Variants in CACNB4 observed in about 807,000 individuals in gnomAD.
CACNB4 encodes voltage-dependent L-type calcium channel subunit beta-4.
A neutral mutation model predicts 71.2 loss-of-function variants in CACNB4; 32 were observed. The ratio of observed to expected loss-of-function variants is 0.45; its 90% CI spans 0.34 to 0.60. The LOEUF (loss-of-function observed/expected upper bound fraction) is 0.60. Among genes scored for constraint, CACNB4 ranks in the 20% least tolerant of loss-of-function variants. The pLI is 0.01. For synonymous variants in CACNB4, 231 were observed against 236.9 expected (o/e 0.97, Z 0.23); for missense variants, 464 against 647.9 (o/e 0.72, Z 3.08).
chr2:151,937,078 T>G (rs1328768062), intron 2 of CACNB4, among the ~76,000 whole-genome samples: 1 of 152,214 alleles, frequency 6.6e-6, no homozygotes, highest in African/African-American at 2.4e-5. Context: ...AAGGCACAAA[T>G]TACATTTCAA....
At chr2:152,015,153 G>A (rs1188467854) in intron 2 of CACNB4, among the ~76,000 whole-genome samples, 1 of 151,024 alleles carries the variant, frequency 6.6e-6, no homozygotes, top group Non-Finnish European at 1.5e-5. Flanking sequence ...TTTTTTTTGA[G>A]ATGGAGTCTC....
At chr2:151,906,180 T>C (rs1201842723) in intron 2 of CACNB4, among the ~76,000 whole-genome samples, 1 of 152,242 alleles carries the variant, frequency 6.6e-6, no homozygotes, top group Admixed American at 6.5e-5. Flanking sequence ...GTTGAATTTT[T>C]ATTCTTAGCT....
chr2:152,058,358 G>A (rs1685833672), intron 2 of CACNB4, among the ~76,000 whole-genome samples: 3 of 152,188 alleles, frequency 2.0e-5, no homozygotes, highest in African/African-American at 7.2e-5. Context: ...ATAGTTTGGA[G>A]GGCTCCGAAG....
intron 2 of CACNB4, among the ~76,000 whole-genome samples, chr2:152,018,806 A>AACAC (rs10600477): frequency 0.03 from 4,459 of 146,618 alleles, 82 homozygotes; most frequent in African/African-American, 0.044. Flanking sequence ...CCTGTCTCAA[A>AACAC]ACACACACAC....
At chr2:152,063,187 T>C (rs1686114210) in intron 2 of CACNB4, among the ~76,000 whole-genome samples, 1 of 152,154 alleles carries the variant, frequency 6.6e-6, no homozygotes, top group Non-Finnish European at 1.5e-5. Context: ...GATTCTACAG[T>C]GTAAATTTAG....
chr2:152,058,434 C>T (rs1685837599), intron 2 of CACNB4, among the ~76,000 whole-genome samples: 1 of 152,118 alleles, frequency 6.6e-6, no homozygotes, highest in African/African-American at 2.4e-5. Flanking sequence ...TGACAAAATG[C>T]TGATAGTGAT....
At chr2:151,920,955 A>G (rs376188793) in intron 2 of CACNB4, among the ~76,000 whole-genome samples, 112 of 151,948 alleles carry the variant, frequency 7.4e-4, no homozygotes, top group African/African-American at 1.9e-3. Context: ...TGGCTAACAC[A>G]GTGAAACCCC....
intron 2 of CACNB4, among the ~76,000 whole-genome samples, chr2:152,050,923 C>T (rs886161598): frequency 2.6e-5 from 4 of 151,990 alleles, no homozygotes; most frequent in Admixed American, 6.5e-5. Flanking sequence ...TACAGGTGCA[C>T]GTCACCACAT....
intron 2 of CACNB4, among the ~76,000 whole-genome samples, chr2:152,034,858 A>G (rs575901342): frequency 1.3e-5 from 2 of 152,284 alleles, no homozygotes; most frequent in African/African-American, 4.8e-5. Flanking sequence ...ACTGGGATCA[A>G]CTGGTTTCAA....
At chr2:152,085,395 A>G (rs1366894626) in intron 2 of CACNB4, among the ~76,000 whole-genome samples, 14 of 152,160 alleles carry the variant, frequency 9.2e-5, no homozygotes, top group Admixed American at 8.5e-4. Flanking sequence ...GACTGCTGGG[A>G]ACATTTATCT....
rs773577703 is a variant in CACNB4, at chr2:151,860,692, C to T, written c.868+19G>A. 1 of 1,510,480 alleles carries T rather than the reference C, an allele frequency of 6.6e-7. No individual in the cohort carries two copies. Among genetic ancestry groups the T allele is most frequent in the Non-Finnish European group, 9.2e-7 (1 of 1,085,550 alleles). 93.6% of individuals were successfully genotyped at this position (1,510,480 alleles called of 1,614,324 possible). On this transcript the variant is annotated intron_variant, in intron 10 of 13. Coordinates refer to ENST00000539935, the MANE Select transcript of CACNB4 (RefSeq NM_000726.5). ...TCTGTAAGCACAGCTTGAAGAAGTA[C>T]CACATTTGAACATCTTACCTAAGCT...
chr2:151,873,187 C>T (rs1051708292), intron 5 of CACNB4: 1 of 152,128 alleles, frequency 6.6e-6, no homozygotes, highest in East Asian at 1.9e-4. Flanking sequence ...AGAAATAAGA[C>T]AGCGGCATTG....
intron 2 of CACNB4, among the ~76,000 whole-genome samples, chr2:152,039,414 T>TC: frequency 1.1e-5 from 1 of 88,580 alleles, no homozygotes; most frequent in South Asian, 4.2e-4. Flanking sequence ...AGACTCTGTC[T>TC]CAAAAAAAAA....
At chr2:151,871,197 G>T in intron 6 of CACNB4, 1 of 296,284 alleles carries the variant, frequency 3.4e-6, no homozygotes, top group East Asian at 6.1e-5. Context: ...GCACAGTGTT[G>T]CTGGGAACAA....
rs201105828 is a variant in CACNB4, at chr2:151,925,118, C to A, written c.148-41748G>T. Among the ~76,000 whole-genome samples, 12 of 152,196 alleles carry A rather than the reference C, an allele frequency of 7.9e-5. 1 individual carries two copies. The East Asian group carries it at 2.3e-3, about 29-fold the overall frequency. On this transcript the variant is annotated intron_variant, in intron 2 of 13. Transcript: ENST00000539935. ...TGTATCCCCAGCACCCAGTGGAGTACCTGGCACATAAAAGCCATTAAACAG... is the reference window on the plus strand; with the variant it reads ...TGTATCCCCAGCACCCAGTGGAGTAACTGGCACATAAAAGCCATTAAACAG...
intron 2 of CACNB4, among the ~76,000 whole-genome samples, chr2:151,898,511 T>C (rs2099852622): frequency 6.6e-6 from 1 of 152,164 alleles, no homozygotes; most frequent in Admixed American, 6.5e-5. Flanking sequence ...GACAAAACAC[T>C]CTATTCCCTC....
At chr2:151,975,352 G>A (rs2099873609) in intron 2 of CACNB4, among the ~76,000 whole-genome samples, 1 of 152,238 alleles carries the variant, frequency 6.6e-6, no homozygotes, top group African/African-American at 2.4e-5. Flanking sequence ...AGTTCTTCCA[G>A]GTCTGTGCTG....
At chr2:151,845,996 G>A (rs2151329059) in intron 12 of CACNB4, among the ~76,000 whole-genome samples, 1 of 152,246 alleles carries the variant, frequency 6.6e-6, no homozygotes, top group South Asian at 2.1e-4. Context: ...AAGCTAAAAT[G>A]GCAGAGAAGA....
intron 9 of CACNB4, chr2:151,866,768 A>T (rs544902673): frequency 6.6e-6 from 1 of 152,238 alleles, no homozygotes; most frequent in African/African-American, 2.4e-5. Context: ...TGCTGGAGAA[A>T]TATATCAGAT....
Sources: gnomAD v4.1 joint callset for allele counts (sites outside exome capture counted in the v4.1 genomes callset) on GRCh38, gnomAD v4.1.1 for gene constraint, MANE v1.5 for transcripts, NCBI Gene and HGNC (gene_info 2026-07-23, HGNC 2026-07-21) for gene names.